The following RARS2 variants were observed in gnomAD, a reference collection of about 807,000 sequenced individuals.
The protein encoded by RARS2 is probable arginine--tRNA ligase, mitochondrial.
In RARS2, 67 loss-of-function variants were observed where a neutral mutation model predicts 88.5. That is an observed-to-expected ratio of 0.76 (90% CI 0.62 to 0.93). The LOEUF (loss-of-function observed/expected upper bound fraction) is 0.93. Among genes scored for constraint, RARS2 ranks in the 40% least tolerant of loss-of-function variants. The pLI is 0.00. For missense variants in RARS2, 664 were observed against 684.2 expected (o/e 0.97, Z 0.33); for synonymous variants, 239 against 230.3 (o/e 1.04, Z -0.34).
At chr6:87,564,625 T>C (rs2128175149) in intron 2 of RARS2, 1 of 345,916 alleles carries the variant, frequency 2.9e-6, no homozygotes, top group South Asian at 2.4e-5. Flanking sequence ...GTCAAGATTG[T>C]GCCACTGCAC....
intron 11 of RARS2, among the ~76,000 whole-genome samples, chr6:87,523,040 G>C (rs1230234280): frequency 6.6e-6 from 1 of 152,152 alleles, no homozygotes; most frequent in East Asian, 1.9e-4. Context: ...AAGGTTGCTT[G>C]GAGGAATTAT....
chr6:87,588,942 C>A (rs1776076597), intron 1 of RARS2, among the ~76,000 whole-genome samples: 1 of 152,180 alleles, frequency 6.6e-6, no homozygotes, highest in Admixed American at 6.5e-5. Context: ...ATAAATTCAG[C>A]TGTCTTAACA....
At chr6:87,562,629 A>T in intron 4 of RARS2, 73 bp downstream of exon 4, 1 of 1,173,524 alleles carries the variant, frequency 8.5e-7, no homozygotes, top group Non-Finnish European at 1.3e-6. Flanking sequence ...AGAATTTAAA[A>T]ACTGGAGGAA....
intron 9 of RARS2, among the ~76,000 whole-genome samples, chr6:87,530,505 C>T (rs1582396530): frequency 6.6e-6 from 1 of 152,056 alleles, no homozygotes; most frequent in African/African-American, 2.4e-5. Flanking sequence ...CATCACATAC[C>T]AGCCTAAGGA....
At chr6:87,555,639 C>T (rs1326981092) in intron 4 of RARS2, 134 bp from the exon 5 acceptor site, 2 of 690,446 alleles carry the variant, frequency 2.9e-6, no homozygotes, top group African/African-American at 1.8e-5. Flanking sequence ...TCCTCAGTGG[C>T]ACTACCTCCA....
intron 9 of RARS2, 101 bp downstream of exon 9, chr6:87,530,683 C>G: frequency 6.8e-7 from 1 of 1,464,260 alleles, no homozygotes; most frequent in Non-Finnish European, 9.5e-7. Context: ...ACCTACAAAT[C>G]TATTTTTAAA....
intron 6 of RARS2, among the ~76,000 whole-genome samples, chr6:87,547,760 C>T (rs1562160317): frequency 6.6e-6 from 1 of 152,064 alleles, no homozygotes; most frequent in Non-Finnish European, 1.5e-5. Context: ...CCACCTCAGC[C>T]TCCTGAGTAG....
intron 1 of RARS2, among the ~76,000 whole-genome samples, chr6:87,583,805 T>C (rs1304100776): frequency 2.6e-5 from 4 of 152,176 alleles, no homozygotes; most frequent in African/African-American, 9.7e-5. Context: ...TATAGCTGAG[T>C]GACCTTAGGT....
At chr6:87,529,819 G>A (rs1297341730) in intron 9 of RARS2, among the ~76,000 whole-genome samples, 171 bp from the exon 10 acceptor site, 1 of 152,090 alleles carries the variant, frequency 6.6e-6, no homozygotes, top group African/African-American at 2.4e-5. Flanking sequence ...ACTTTGGGAG[G>A]CTGAGGCAGG....
chr6:87,541,943 G>A lies in RARS2; in HGVS notation c.587C>T (p.Ser196Phe), dbSNP rs748735045. 5 of 1,613,506 alleles carry A rather than the reference G, an allele frequency of 3.1e-6. No homozygotes were observed. In the Admixed American group the frequency reaches 6.7e-5, roughly 22 times the overall value. Residue 196 changes from serine (S) to phenylalanine (F), a missense_variant, in exon 8 of 20, where the codon TCC (serine) becomes TTC (phenylalanine). Ser to Phe is a radical substitution (Grantham distance 155, BLOSUM62 -2). Coordinates refer to ENST00000369536, the MANE Select transcript of RARS2 (RefSeq NM_020320.5). ...QLFGYEEKLQSNPLQHLFEVY... is the reference protein window; with the variant it reads ...QLFGYEEKLQFNPLQHLFEVY... The stretch of plus-strand genomic sequence containing the variant: ...TTCAAAGAGATGCTGTAGAGGATTG[G>A]ACTGCAGTTTTTCCTCATAGCCAAA...
At chr6:87,560,295 C>T (rs1441942682) in intron 4 of RARS2, among the ~76,000 whole-genome samples, 1 of 152,104 alleles carries the variant, frequency 6.6e-6, no homozygotes, top group African/African-American at 2.4e-5. Flanking sequence ...AATTAAAAAG[C>T]GTGAAATAAA....
At chr6:87,525,469 G>A (rs1157483274) in intron 10 of RARS2, among the ~76,000 whole-genome samples, 1 of 151,284 alleles carries the variant, frequency 6.6e-6, no homozygotes, top group African/African-American at 2.4e-5. Flanking sequence ...TGAAGAATCC[G>A]CCAAAAACTG....
At chr6:87,530,438 C>G (rs1777099010) in intron 9 of RARS2, among the ~76,000 whole-genome samples, 1 of 152,200 alleles carries the variant, frequency 6.6e-6, no homozygotes, top group South Asian at 2.1e-4. Context: ...CTTCTATTCG[C>G]TGTTGTGTAT....
chr6:87,556,090 T>TA (rs1290719171), intron 4 of RARS2, among the ~76,000 whole-genome samples: 1 of 152,154 alleles, frequency 6.6e-6, no homozygotes, highest in Non-Finnish European at 1.5e-5. Flanking sequence ...CAAGCAATGG[T>TA]AGGAAAAAGA....
intron 8 of RARS2, among the ~76,000 whole-genome samples, chr6:87,532,213 C>T (rs1485070690): frequency 2.0e-5 from 3 of 150,878 alleles, no homozygotes; most frequent in African/African-American, 7.4e-5. Flanking sequence ...GTTAAAATTA[C>T]CTTTTTTTTT....
At chr6:87,541,273 G>T (rs1343827877) in intron 8 of RARS2, among the ~76,000 whole-genome samples, 2 of 152,050 alleles carry the variant, frequency 1.3e-5, no homozygotes, top group Admixed American at 6.5e-5. Context: ...AACCCCTGGG[G>T]TCTAGCAATC....
chr6:87,563,241 A>C (rs1177478193), intron 3 of RARS2, among the ~76,000 whole-genome samples: 7 of 152,208 alleles, frequency 4.6e-5, no homozygotes, highest in African/African-American at 1.7e-4. Context: ...TCACTTTTTA[A>C]CCTATTAGAT....
At chr6:87,517,050 G>A (rs1283677522) in intron 17 of RARS2, among the ~76,000 whole-genome samples, 170 bp from the exon 18 acceptor site, 1 of 152,190 alleles carries the variant, frequency 6.6e-6, no homozygotes, top group African/African-American at 2.4e-5. Context: ...AGACTGAGGT[G>A]GGTGGATCAT....
Position 87,516,857 on chromosome 6 carries a change from G to T in RARS2, c.1535C>A (p.Ser512Ter). 1 of 1,613,782 alleles carries T rather than the reference G, an allele frequency of 6.2e-7. No individual in the cohort carries two copies. The highest frequency in any genetic ancestry group is 1.1e-5 in the South Asian group (1 of 91,052). ...LLRFDEVLYK[S>*]SQDFQPRHIV... The stretch of plus-strand genomic sequence containing the variant: ...ATGCCTGGGTTGAAAGTCCTGAGAT[G>T]ATTTATAAAGCACCTCGTCGAACCT... The change falls in exon 18 of 20, where the codon TCA becomes TAA. Residue 512 changes from serine to a stop codon, truncating the protein, a stop_gained. Coordinates refer to ENST00000369536, the MANE Select transcript of RARS2 (RefSeq NM_020320.5). LOFTEE classifies it high-confidence loss of function.
Sources: gnomAD v4.1 joint callset for allele counts (sites outside exome capture counted in the v4.1 genomes callset) on GRCh38, gnomAD v4.1.1 for gene constraint, MANE v1.5 for transcripts, NCBI Gene and HGNC (gene_info 2026-07-23, HGNC 2026-07-21) for gene names.